The following ARHGEF12 variants were observed in gnomAD, a reference collection of about 807,000 sequenced individuals.
The protein encoded by ARHGEF12 is KMT2A/ARHGEF12 fusion protein.
A neutral mutation model predicts 211.2 loss-of-function variants in ARHGEF12; 66 were observed. The observed-to-expected ratio is 0.31, with a 90% CI of 0.26 to 0.38. ARHGEF12 has a LOEUF of 0.38. Among genes scored for constraint, ARHGEF12 ranks in the 10% least tolerant of loss-of-function variants. The pLI is 1.00. For missense variants in ARHGEF12, 1,429 were observed against 1,869.5 expected, an observed-to-expected ratio of 0.76 and a Z score of 4.34; for synonymous variants, 592 against 638.4, an observed-to-expected ratio of 0.93 and a Z score of 1.09.
chr11:120,338,229 C>G (rs1286768029), intron 1 of ARHGEF12, among the ~76,000 whole-genome samples: 1 of 152,184 alleles, frequency 6.6e-6, no homozygotes, highest in Non-Finnish European at 1.5e-5. Context: ...CGAATTATTA[C>G]ACCGTGAAAA....
intron 1 of ARHGEF12, among the ~76,000 whole-genome samples, chr11:120,375,526 T>C (rs1381427884): frequency 6.6e-6 from 1 of 151,578 alleles, no homozygotes; most frequent in Non-Finnish European, 1.5e-5. Context: ...TTACCTGTAG[T>C]GTTCCAAGTT....
intron 28 of ARHGEF12, among the ~76,000 whole-genome samples, chr11:120,465,927 T>G (rs1286804528): frequency 6.6e-6 from 1 of 152,212 alleles, no homozygotes; most frequent in African/African-American, 2.4e-5. Context: ...AACCGTATGC[T>G]CTATTAAGAG....
intron 23 of ARHGEF12, chr11:120,457,515 G>A: frequency 2.2e-6 from 1 of 445,110 alleles, no homozygotes; most frequent in East Asian, 3.5e-5. Context: ...GTGCATAAAA[G>A]AACTAAAACA....
chr11:120,452,558 A>G (rs532574506), intron 22 of ARHGEF12, among the ~76,000 whole-genome samples: 20 of 152,316 alleles, frequency 1.3e-4, no homozygotes, highest in African/African-American at 4.8e-4. Context: ...ATGGCTAGTG[A>G]CGTCACCAAG....
Position 120,469,379 on chromosome 11 carries a change from A to G in ARHGEF12, c.2946A>G (p.Glu982=), listed in dbSNP as rs766615132. ...NYVNQAVKEA[E]NKQRLEDYQR... ...TAAATCAGGCTGTCAAGGAGGCAGA[A>G]AACAAGCAGGTAAAAAAGGAAAACA... Residue 982 remains glutamate (E), a synonymous_variant, in exon 30 of 41, where the codon GAA becomes GAG. Transcript: ENST00000397843. The G allele has an allele frequency of 6.2e-7, 1 of 1,611,678 alleles. No individual in the cohort carries two copies. Among genetic ancestry groups the G allele is most frequent in the South Asian group, 1.1e-5 (1 of 90,680 alleles).
chr11:120,404,562 A>G (rs771124072), intron 1 of ARHGEF12, among the ~76,000 whole-genome samples: 4 of 151,946 alleles, frequency 2.6e-5, no homozygotes, highest in East Asian at 1.9e-4. Context: ...TTTTGTCCCC[A>G]TTTTTCCTCT....
intron 39 of ARHGEF12, 44 bp from the exon 40 acceptor site, chr11:120,484,393 GT>G: frequency 6.4e-7 from 1 of 1,560,336 alleles, no homozygotes. Context: ...GTTTTGTTTT[GT>G]TTCATTACGT....
chr11:120,368,325 A>G (rs1000300185), intron 1 of ARHGEF12, among the ~76,000 whole-genome samples: 3 of 152,196 alleles, frequency 2.0e-5, no homozygotes, highest in African/African-American at 7.2e-5. Context: ...ATTCGTTTAT[A>G]GAGATGGGGG....
At chr11:120,411,286 A>G (rs1231281733) in intron 4 of ARHGEF12, 2 of 152,302 alleles carry the variant, frequency 1.3e-5, no homozygotes, top group South Asian at 4.1e-4. Context: ...CAGAATTAGC[A>G]TGCTAACGTA....
At chr11:120,421,562 C>T (rs1313352952) in intron 5 of ARHGEF12, among the ~76,000 whole-genome samples, 1 of 151,416 alleles carries the variant, frequency 6.6e-6, no homozygotes, top group African/African-American at 2.4e-5. Context: ...CTCAGCCTGC[C>T]GAGCAGCTGG....
At chr11:120,371,774 T>G (rs1455686144) in intron 1 of ARHGEF12, among the ~76,000 whole-genome samples, 1 of 152,196 alleles carries the variant, frequency 6.6e-6, no homozygotes, top group Non-Finnish European at 1.5e-5. Flanking sequence ...ATGATTTGGT[T>G]CTATTGTTGG....
At chr11:120,440,515 T>C (rs889592303) in intron 13 of ARHGEF12, among the ~76,000 whole-genome samples, 2 of 152,186 alleles carry the variant, frequency 1.3e-5, no homozygotes, top group African/African-American at 4.8e-5. Context: ...CCCAGTTCAT[T>C]GGTGCTATAA....
intron 5 of ARHGEF12, among the ~76,000 whole-genome samples, chr11:120,421,436 T>G (rs925500122): frequency 9.7e-6 from 1 of 103,304 alleles, no homozygotes; most frequent in Non-Finnish European, 2.2e-5. Context: ...CTTGTTTTTT[T>G]TTTTTGTTTT....
intron 1 of ARHGEF12, chr11:120,385,459 T>A: frequency 1.0e-6 from 1 of 985,442 alleles, no homozygotes; most frequent in Non-Finnish European, 1.2e-6. Context: ...GAGCTTTTGC[T>A]TGTCTGCTGA....
chr11:120,486,085 A>G lies in ARHGEF12; in HGVS notation c.*1008A>G, dbSNP rs2136037263. 1 of 192,090 alleles carries G rather than the reference A, an allele frequency of 5.2e-6. No homozygotes were observed. 11.9% of individuals were successfully genotyped at this position (192,090 alleles called of 1,614,324 possible). A position where few individuals can be genotyped will look rare whatever the true frequency, so the allele number is the denominator to read the frequency against. ...GGCAGGGGTGGGGGTTGCTAAGGAA[A>G]GGGTGGGATGGGAGTGGGTAAAGAG... On this transcript the variant is annotated 3_prime_UTR_variant, in exon 41 of 41. Transcript: ENST00000397843.
At chr11:120,474,059 A>G (rs1591637975) in intron 31 of ARHGEF12, among the ~76,000 whole-genome samples, 1 of 152,362 alleles carries the variant, frequency 6.6e-6, no homozygotes, top group Middle Eastern at 3.4e-3. Flanking sequence ...TAATACTAAA[A>G]GATGATTCTC....
At chr11:120,349,259 C>T (rs1942861027) in intron 1 of ARHGEF12, among the ~76,000 whole-genome samples, 1 of 152,068 alleles carries the variant, frequency 6.6e-6, no homozygotes, top group South Asian at 2.1e-4. Context: ...ACAATTATAG[C>T]TTAAAAGGAA....
At chr11:120,460,802 G>C (rs1265528727) in intron 27 of ARHGEF12, 45 bp downstream of exon 27, 37 of 1,498,872 alleles carry the variant, frequency 2.5e-5, no homozygotes, top group Non-Finnish European at 3.1e-5. Flanking sequence ...ATGGACACTT[G>C]ATGGTTAGAT....
intron 1 of ARHGEF12, among the ~76,000 whole-genome samples, chr11:120,350,910 T>C (rs1240249510): frequency 6.6e-6 from 1 of 152,210 alleles, no homozygotes; most frequent in Admixed American, 6.5e-5. Flanking sequence ...ATAAATATGA[T>C]GATCTTTTGG....
Sources: allele counts gnomAD v4.1 joint callset (sites outside exome capture counted in the v4.1 genomes callset), GRCh38; gene constraint gnomAD v4.1.1; transcripts MANE v1.5; gene names NCBI Gene and HGNC (gene_info 2026-07-23, HGNC 2026-07-21).